PRR16: variants seen among roughly 807,000 people sequenced by gnomAD.
PRR16 encodes proline rich 16.
PRR16 carries 6 observed loss-of-function variants against 18.2 expected under a neutral mutation model. The observed-to-expected ratio is 0.33, with a 90% CI of 0.18 to 0.65. The LOEUF (loss-of-function observed/expected upper bound fraction) is 0.65. Among genes scored for constraint, PRR16 ranks in the 30% least tolerant of loss-of-function variants. PRR16 has a pLI of 0.74. For missense variants in PRR16, 412 were observed against 376.6 expected (o/e 1.09, Z -0.78); for synonymous variants, 151 against 147.8 (o/e 1.02, Z -0.16).
At chr5:120,665,890 G>C (rs1221481432) in intron 1 of PRR16, among the ~76,000 whole-genome samples, 1 of 151,984 alleles carries the variant, frequency 6.6e-6, no homozygotes, top group African/African-American at 2.4e-5. Flanking sequence ...GTCAGGTAGC[G>C]TGATGCCTCC....
At chr5:120,585,383 G>A (rs1447751564) in intron 1 of PRR16, among the ~76,000 whole-genome samples, 1 of 152,078 alleles carries the variant, frequency 6.6e-6, no homozygotes, top group Admixed American at 6.6e-5. Flanking sequence ...GCTGAGATGG[G>A]CAGGTCACTT....
chr5:120,678,690 A>C (rs1171216385), intron 1 of PRR16, among the ~76,000 whole-genome samples: 4 of 152,134 alleles, frequency 2.6e-5, no homozygotes, highest in African/African-American at 9.7e-5. Context: ...GTTTTCGTGG[A>C]GTTTCTAGTC....
intron 1 of PRR16, among the ~76,000 whole-genome samples, chr5:120,566,996 C>T (rs985534471): frequency 6.6e-6 from 1 of 151,974 alleles, no homozygotes; most frequent in Non-Finnish European, 1.5e-5. Context: ...TAAGGCATAC[C>T]CAGTTCCTGC....
the PRR16 span, among the ~76,000 whole-genome samples, chr5:120,765,526 A>G: frequency 6.6e-6 from 1 of 152,040 alleles, no homozygotes; most frequent in Non-Finnish European, 1.5e-5. Flanking sequence ...TTTCCTGAAA[A>G]TATTTGGCTG....
the PRR16 span, among the ~76,000 whole-genome samples, chr5:120,725,020 G>T: frequency 6.6e-6 from 1 of 151,976 alleles, no homozygotes; most frequent in Admixed American, 6.6e-5. Context: ...TCTTGAAAAA[G>T]ATTATTAGAG....
At chr5:120,607,537 T>C (rs889569591) in intron 1 of PRR16, among the ~76,000 whole-genome samples, 2 of 152,178 alleles carry the variant, frequency 1.3e-5, no homozygotes, top group Non-Finnish European at 2.9e-5. Context: ...TGAATATGGA[T>C]GCTGCAGTAG....
chr5:120,527,622 A>G (rs1273294207), intron 1 of PRR16, among the ~76,000 whole-genome samples: 1 of 152,206 alleles, frequency 6.6e-6, no homozygotes, highest in Non-Finnish European at 1.5e-5. Context: ...GCAATTGGAA[A>G]CAAAATTTGG....
chr5:120,703,106 C>A, the PRR16 span, among the ~76,000 whole-genome samples: 347 of 151,438 alleles, frequency 2.3e-3, no homozygotes, highest in African/African-American at 7.4e-3. Flanking sequence ...GGATTTGGGT[C>A]GGTAAAGGAA....
At chr5:120,655,613 C>T (rs912419545) in intron 1 of PRR16, among the ~76,000 whole-genome samples, 7 of 151,602 alleles carry the variant, frequency 4.6e-5, no homozygotes, top group African/African-American at 1.2e-4. Flanking sequence ...TGAAAACTCA[C>T]GGATATGGTC....
intron 1 of PRR16, among the ~76,000 whole-genome samples, chr5:120,574,179 G>T (rs1451624869): frequency 1.3e-5 from 2 of 152,104 alleles, no homozygotes; most frequent in Non-Finnish European, 2.9e-5. Flanking sequence ...GGAACAGATA[G>T]GGAAAGAAAT....
At chr5:120,596,432 GA>G (rs1446078583) in intron 1 of PRR16, among the ~76,000 whole-genome samples, 1 of 151,576 alleles carries the variant, frequency 6.6e-6, no homozygotes, top group Non-Finnish European at 1.5e-5. Flanking sequence ...CCTTACCATT[GA>G]AACTTCTATG....
chr5:120,526,584 G>A (rs867254817), intron 1 of PRR16, among the ~76,000 whole-genome samples: 1 of 152,092 alleles, frequency 6.6e-6, no homozygotes, highest in African/African-American at 2.4e-5. Context: ...ATTGGTAGTA[G>A]AGCCACTGCC....
the PRR16 span, among the ~76,000 whole-genome samples, chr5:120,788,357 A>G: frequency 2.6e-5 from 4 of 152,120 alleles, no homozygotes; most frequent in South Asian, 6.2e-4. Context: ...CCCATATTAC[A>G]TAACCGTTAA....
At position 120,686,047 on chromosome 5, in the gene PRR16, A is replaced by C; in HGVS notation, c.253A>C (p.Ser85Arg). 1 of 1,614,156 alleles carries C rather than the reference A, an allele frequency of 6.2e-7. No homozygotes were observed. The highest frequency in any genetic ancestry group is 8.5e-7 in the Non-Finnish European group (1 of 1,180,012). Residue 85 changes from serine (S) to arginine (R), a missense_variant, in exon 2 of 2, where the codon AGT becomes CGT. Coordinates refer to ENST00000407149, the MANE Select transcript of PRR16 (RefSeq NM_001300783.2). ...AACGGACACGCTGAATAGTAGCTCAAGTGGCACAACAGCCTCCAGCCTAGA... is the reference window on the plus strand; with the variant it reads ...AACGGACACGCTGAATAGTAGCTCACGTGGCACAACAGCCTCCAGCCTAGA... Reference protein sequence around the residue: ...SKTDTLNSSSSGTTASSLEKI... With the variant: ...SKTDTLNSSSRGTTASSLEKI...
chr5:120,594,013 G>A (rs1753723751), intron 1 of PRR16, among the ~76,000 whole-genome samples: 2 of 151,928 alleles, frequency 1.3e-5, no homozygotes, highest in African/African-American at 2.4e-5. Flanking sequence ...AAAATAATAA[G>A]AGCCACTTAT....
intron 1 of PRR16, among the ~76,000 whole-genome samples, chr5:120,659,108 AG>A (rs1175735547): frequency 1.3e-5 from 2 of 152,000 alleles, no homozygotes; most frequent in Non-Finnish European, 2.9e-5. Context: ...AAATGCTCAA[AG>A]GGTTCATTGG....
intron 1 of PRR16, among the ~76,000 whole-genome samples, chr5:120,520,615 A>G (rs979849974): frequency 6.6e-6 from 1 of 152,156 alleles, no homozygotes; most frequent in Non-Finnish European, 1.5e-5. Context: ...TACTACTTGT[A>G]GCGCATGAAG....
the PRR16 span, among the ~76,000 whole-genome samples, chr5:120,737,316 T>G: frequency 1.9e-5 from 2 of 104,874 alleles, no homozygotes; most frequent in Non-Finnish European, 3.8e-5. Flanking sequence ...AGTTTTTTTT[T>G]TTTTTTTTTT....
intron 1 of PRR16, among the ~76,000 whole-genome samples, chr5:120,598,038 C>T (rs57636125): frequency 0.026 from 3,905 of 151,770 alleles, 184 homozygotes; most frequent in African/African-American, 0.089. Context: ...CATACAGGAC[C>T]GTCCTGAAGA....
Sources: gnomAD v4.1 joint callset for allele counts (sites outside exome capture counted in the v4.1 genomes callset) on GRCh38, gnomAD v4.1.1 for gene constraint, MANE v1.5 for transcripts, NCBI Gene and HGNC (gene_info 2026-07-23, HGNC 2026-07-21) for gene names.